Variants in RALGAPA1 observed in about 807,000 individuals in gnomAD.
RALGAPA1 encodes Ral GTPase activating protein catalytic subunit alpha 1.
RALGAPA1 carries 52 observed loss-of-function variants against 269.6 expected under a neutral mutation model. The observed-to-expected ratio is 0.19, with a 90% CI of 0.15 to 0.24. The LOEUF (loss-of-function observed/expected upper bound fraction) is 0.24, where lower values mean the gene tolerates loss of function less well. RALGAPA1 is among the 10% of genes least tolerant of loss of function. RALGAPA1 has a pLI of 1.00. For missense variants in RALGAPA1, 1,917 were observed against 3,013.9 expected (o/e 0.64, Z 8.52); for synonymous variants, 817 against 1,008.3 (o/e 0.81, Z 3.60).
At chr14:35,719,943 G>C (rs1406369927) in intron 16 of RALGAPA1, among the ~76,000 whole-genome samples, 1 of 151,996 alleles carries the variant, frequency 6.6e-6, no homozygotes, top group Non-Finnish European at 1.5e-5. Context: ...TACTACAGAC[G>C]GGGTTTCAGC....
At chr14:35,568,775 C>A (rs1307968208) in intron 39 of RALGAPA1, among the ~76,000 whole-genome samples, 1 of 152,140 alleles carries the variant, frequency 6.6e-6, no homozygotes, top group Non-Finnish European at 1.5e-5. Context: ...ATATAGTCTT[C>A]AAAACAATCT....
At chr14:35,545,925 T>C (rs1171597043) in intron 41 of RALGAPA1, among the ~76,000 whole-genome samples, 2 of 152,072 alleles carry the variant, frequency 1.3e-5, no homozygotes, top group Non-Finnish European at 2.9e-5. Flanking sequence ...ATGAAAAAAC[T>C]TTAAGAAGTC....
chr14:35,709,045 T>A (rs543547796), intron 16 of RALGAPA1, among the ~76,000 whole-genome samples: 14 of 151,976 alleles, frequency 9.2e-5, no homozygotes, highest in Admixed American at 3.3e-4. Context: ...ATCATGGAGA[T>A]AGAGAGTAGA....
chr14:35,686,795 T>C, intron 18 of RALGAPA1, 129 bp from the exon 19 acceptor site: 1 of 479,122 alleles, frequency 2.1e-6, no homozygotes, highest in Non-Finnish European at 3.7e-6. Flanking sequence ...TATGAATAAT[T>C]TCCCTTCTTT....
chr14:35,713,675 C>CA (rs2068555051), intron 16 of RALGAPA1, among the ~76,000 whole-genome samples: 1 of 151,938 alleles, frequency 6.6e-6, no homozygotes, highest in Non-Finnish European at 1.5e-5. Context: ...AGATTGGTCC[C>CA]AATACTATAG....
At chr14:35,754,457 T>TAA (rs1367708160) in intron 7 of RALGAPA1, among the ~76,000 whole-genome samples, 1 of 152,008 alleles carries the variant, frequency 6.6e-6, no homozygotes, top group Non-Finnish European at 1.5e-5. Context: ...AATAAGCACA[T>TAA]AAAAAGATAT....
chr14:35,546,973 G>A (rs113955203), intron 41 of RALGAPA1, among the ~76,000 whole-genome samples: 16 of 152,158 alleles, frequency 1.1e-4, no homozygotes, highest in Middle Eastern at 3.4e-3. Context: ...GAACCACTCT[G>A]ATAAAAATTT....
intron 16 of RALGAPA1, among the ~76,000 whole-genome samples, chr14:35,715,471 A>T (rs1309703614): frequency 6.6e-6 from 1 of 151,910 alleles, no homozygotes; most frequent in Non-Finnish European, 1.5e-5. Flanking sequence ...TTATTTATTT[A>T]TTTATTCCAT....
At chr14:35,679,536 G>A (rs1244226765) in intron 21 of RALGAPA1, among the ~76,000 whole-genome samples, 7 of 152,156 alleles carry the variant, frequency 4.6e-5, no homozygotes, top group Non-Finnish European at 1.0e-4. Context: ...TTGTAATAAA[G>A]TATTGACTAT....
chr14:35,678,474 G>A (rs1414076606), intron 21 of RALGAPA1, among the ~76,000 whole-genome samples: 2 of 152,124 alleles, frequency 1.3e-5, no homozygotes, highest in African/African-American at 4.8e-5. Context: ...CTTGCTCACT[G>A]CTGCTCTATA....
intron 31 of RALGAPA1, among the ~76,000 whole-genome samples, chr14:35,646,699 T>C (rs367833855): frequency 3.4e-4 from 52 of 152,194 alleles, no homozygotes; most frequent in African/African-American, 1.2e-3. Flanking sequence ...TAGTGAAATA[T>C]CTATAGATTA....
intron 13 of RALGAPA1, among the ~76,000 whole-genome samples, chr14:35,725,357 G>A (rs1054216757): frequency 2.0e-5 from 3 of 151,584 alleles, no homozygotes; most frequent in Admixed American, 1.3e-4. Flanking sequence ...ATCATTTATC[G>A]GCCACAATAT....
intron 4 of RALGAPA1, among the ~76,000 whole-genome samples, chr14:35,763,972 T>A (rs147947348): frequency 1.6e-4 from 25 of 152,330 alleles, no homozygotes; most frequent in African/African-American, 5.8e-4. Context: ...ATCTGATGTA[T>A]GTTAACTATC....
chr14:35,776,114 T>C (rs1224858167), intron 1 of RALGAPA1, among the ~76,000 whole-genome samples: 2 of 152,210 alleles, frequency 1.3e-5, no homozygotes, highest in East Asian at 3.8e-4. Context: ...CCAGGTATGG[T>C]GGCTCACGCC....
intron 14 of RALGAPA1, among the ~76,000 whole-genome samples, chr14:35,724,188 T>C (rs1418076455): frequency 6.6e-6 from 1 of 152,076 alleles, no homozygotes; most frequent in Non-Finnish European, 1.5e-5. Flanking sequence ...TGGAGAAACC[T>C]GAATGAAAAA....
At chr14:35,750,903 T>A (rs553171907) in intron 8 of RALGAPA1, among the ~76,000 whole-genome samples, 107 of 152,336 alleles carry the variant, frequency 7.0e-4, no homozygotes, top group South Asian at 1.4e-3. Flanking sequence ...TGGAAACATG[T>A]ATTTTTACAA....
intron 1 of RALGAPA1, among the ~76,000 whole-genome samples, chr14:35,791,721 A>G (rs2076184346): frequency 6.6e-6 from 1 of 151,614 alleles, no homozygotes; most frequent in Non-Finnish European, 1.5e-5. Flanking sequence ...CCTGGCTAAC[A>G]TGGTGAAACC....
At position 35,617,493 on chromosome 14, in the gene RALGAPA1, C is replaced by T. The variant is rs566452767; in HGVS notation, c.6929+7868G>A. 5.9e-5 allele frequency among the ~76,000 whole-genome samples: 9 copies of T among 152,158 alleles called. No individual in the cohort carries two copies. The South Asian group carries it at 1.7e-3, about 28-fold the overall frequency. On this transcript the variant is annotated intron_variant, in intron 35 of 41. Transcript: ENST00000680220. Reference sequence around the variant, plus strand: ...ATTAGCTGGGCGTGGTGGCGCATGCCTGTAATCCCAGCTACTCAGGAGTCT... The same window carrying T: ...ATTAGCTGGGCGTGGTGGCGCATGCTTGTAATCCCAGCTACTCAGGAGTCT...
chr14:35,677,840 A>C (rs899679631), intron 22 of RALGAPA1, 110 bp downstream of exon 22: 1 of 1,088,998 alleles, frequency 9.2e-7, no homozygotes, highest in East Asian at 2.7e-5. Context: ...AGAAAAGTCC[A>C]AAATATTTAC....
Sources: gnomAD v4.1 joint callset for allele counts (sites outside exome capture counted in the v4.1 genomes callset) on GRCh38, gnomAD v4.1.1 for gene constraint, MANE v1.5 for transcripts, NCBI Gene and HGNC (gene_info 2026-07-23, HGNC 2026-07-21) for gene names.